The following NELL1 variants were observed in gnomAD, a reference collection of about 807,000 sequenced individuals.
NELL1 encodes the protein neural EGFL like 1, also known as protein kinase C-binding protein NELL1.
In NELL1, 76 loss-of-function variants were observed where a neutral mutation model predicts 107.4. The ratio of observed to expected loss-of-function variants is 0.71; its 90% CI spans 0.59 to 0.86. The LOEUF (loss-of-function observed/expected upper bound fraction) is 0.86, where lower values mean the gene tolerates loss of function less well. Among genes scored for constraint, NELL1 ranks in the 40% least tolerant of loss-of-function variants. The probability of loss-of-function intolerance (pLI) is 0.00; values close to 1 mark genes in which losing one functional copy is unlikely to be tolerated. For missense variants in NELL1, 1,024 were observed against 1,005.5 expected, an observed-to-expected ratio of 1.02 and a Z score of -0.25; for synonymous variants, 353 against 341.2, an observed-to-expected ratio of 1.03 and a Z score of -0.38.
At chr11:20,802,266 A>G (rs1255430369) in intron 3 of NELL1, among the ~76,000 whole-genome samples, 2 of 152,008 alleles carry the variant, frequency 1.3e-5, no homozygotes, top group Non-Finnish European at 2.9e-5. Context: ...ACATTCTTTT[A>G]TCAATGTTTT....
At chr11:20,979,589 G>A (rs928055451) in intron 12 of NELL1, among the ~76,000 whole-genome samples, 2 of 152,198 alleles carry the variant, frequency 1.3e-5, no homozygotes, top group African/African-American at 2.4e-5. Context: ...AGAGAATGGC[G>A]TATTCTGCCT....
chr11:21,426,001 C>G (rs566757257), intron 15 of NELL1, among the ~76,000 whole-genome samples: 1 of 152,216 alleles, frequency 6.6e-6, no homozygotes, highest in East Asian at 1.9e-4. Context: ...CTTTTAGGGA[C>G]TGGAAGTCAG....
At chr11:20,901,376 A>T (rs1258417296) in intron 5 of NELL1, among the ~76,000 whole-genome samples, 1 of 152,118 alleles carries the variant, frequency 6.6e-6, no homozygotes, top group African/African-American at 2.4e-5. Flanking sequence ...AATAGGAACA[A>T]ATCAAATAAA....
intron 15 of NELL1, among the ~76,000 whole-genome samples, chr11:21,496,405 C>CTTTTTTTTTTTT (rs1206711700): frequency 7.1e-6 from 1 of 141,260 alleles, no homozygotes; most frequent in Admixed American, 7.2e-5. Flanking sequence ...TTATTCTTCT[C>CTTTTTTTTTTTT]TTGTTTTTTT....
intron 2 of NELL1, among the ~76,000 whole-genome samples, chr11:20,707,371 G>T (rs1434472871): frequency 6.6e-6 from 1 of 152,094 alleles, no homozygotes; most frequent in Non-Finnish European, 1.5e-5. Context: ...CCCTCAACTC[G>T]TCAAAATCAT....
At chr11:21,063,013 T>C (rs749227739) in intron 12 of NELL1, among the ~76,000 whole-genome samples, 136 of 151,888 alleles carry the variant, frequency 9.0e-4, no homozygotes, top group Non-Finnish European at 1.5e-3. Flanking sequence ...TGTGTGTATG[T>C]GTATATGTAT....
At chr11:21,341,284 C>T (rs535979960) in intron 14 of NELL1, among the ~76,000 whole-genome samples, 1 of 152,268 alleles carries the variant, frequency 6.6e-6, no homozygotes, top group South Asian at 2.1e-4. Flanking sequence ...GAGAGTTACA[C>T]CATAAGCCTC....
chr11:21,359,229 G>A (rs1457162818), intron 14 of NELL1, among the ~76,000 whole-genome samples: 1 of 152,108 alleles, frequency 6.6e-6, no homozygotes, highest in Non-Finnish European at 1.5e-5. Flanking sequence ...TGCATCTATT[G>A]AGATGATCCT....
At chr11:21,432,609 T>A (rs1852994353) in intron 15 of NELL1, among the ~76,000 whole-genome samples, 1 of 152,192 alleles carries the variant, frequency 6.6e-6, no homozygotes, top group Non-Finnish European at 1.5e-5. Context: ...GGGTATGGAT[T>A]GTCACGGGAT....
intron 5 of NELL1, among the ~76,000 whole-genome samples, chr11:20,910,380 G>C (rs192055603): frequency 6.6e-5 from 10 of 152,272 alleles, no homozygotes; most frequent in African/African-American, 2.4e-4. Flanking sequence ...TGAAGTGAGG[G>C]TGTACAAAGT....
At chr11:20,757,160 T>G (rs1192625159) in intron 2 of NELL1, among the ~76,000 whole-genome samples, 3 of 151,858 alleles carry the variant, frequency 2.0e-5, no homozygotes, top group Non-Finnish European at 2.9e-5. Context: ...CCTTTACACT[T>G]AGTTTTTTTT....
At chr11:20,908,344 G>T (rs999653388) in intron 5 of NELL1, among the ~76,000 whole-genome samples, 13 of 152,072 alleles carry the variant, frequency 8.5e-5, no homozygotes, top group African/African-American at 3.1e-4. Context: ...AGAAAATGTG[G>T]TACATATACA....
At chr11:21,066,400 C>A (rs1853870865) in intron 12 of NELL1, among the ~76,000 whole-genome samples, 1 of 152,000 alleles carries the variant, frequency 6.6e-6, no homozygotes. Flanking sequence ...GATTTTTTGG[C>A]CTTTATTTTT....
In NELL1 at chr11:20,753,382, T is replaced by C. The variant is rs1252905468; in HGVS notation, c.185-30298T>C. On this transcript the variant is annotated intron_variant, in intron 2 of 19. Coordinates refer to ENST00000357134, the MANE Select transcript of NELL1 (RefSeq NM_006157.5). ...ATTAAACAGATGGTAACATTAGAAA[T>C]GATTCACTCTGCTGGAGCTAGTTCA... Among the ~76,000 whole-genome samples, 6 of 152,206 alleles carry C rather than the reference T, an allele frequency of 3.9e-5. No homozygotes were observed. The East Asian group carries it at 9.6e-4, about 24-fold the overall frequency.
chr11:21,318,924 T>C lies in NELL1; in HGVS notation c.1550-51929T>C, dbSNP rs1430796566. On this transcript the variant is annotated intron_variant, in intron 14 of 19. Transcript: ENST00000357134. ...AACCATAGTAAATGGCTAGGCTTTT[T>C]GTCCCTCAGTGTATTCATCTGTGAA... Among the ~76,000 whole-genome samples, 2 of 152,050 alleles carry C rather than the reference T, an allele frequency of 1.3e-5. 1 individual carries two copies. The highest frequency in any genetic ancestry group is 4.8e-5 in the African/African-American group (2 of 41,326).
rs142071133 is a variant in NELL1 at position 21,220,269 on chromosome 11, A to G, written c.1427-9063A>G. ...GCTGTTTTGGTTACCATAGCTTTGT[A>G]GTATATTTTGAAGTCAGGTAGTGTG... is the stretch of plus-strand genomic sequence containing the variant. On this transcript the variant is annotated intron_variant, in intron 13 of 19. Transcript: ENST00000357134. Among the ~76,000 whole-genome samples the G allele has an allele frequency of 9.4e-3, 1,429 of 152,182 alleles. 23 individuals carry two copies. Among genetic ancestry groups the G allele is most frequent in the African/African-American group, 0.033 (1,362 of 41,520 alleles).
At chr11:21,443,808 C>T (rs1340871184) in intron 15 of NELL1, among the ~76,000 whole-genome samples, 5 of 151,682 alleles carry the variant, frequency 3.3e-5, no homozygotes, top group Non-Finnish European at 4.4e-5. Context: ...CGAGATTACA[C>T]CCTGCACTCT....
At chr11:21,099,046 C>T (rs1467730570) in intron 12 of NELL1, among the ~76,000 whole-genome samples, 1 of 152,162 alleles carries the variant, frequency 6.6e-6, no homozygotes, top group African/African-American at 2.4e-5. Context: ...ACCAATTCAT[C>T]TTTGTTATCA....
At chr11:21,319,494 T>TTATATGTA (rs1555002144) in intron 14 of NELL1, among the ~76,000 whole-genome samples, 1 of 135,632 alleles carries the variant, frequency 7.4e-6, no homozygotes, top group African/African-American at 2.7e-5. Flanking sequence ...CCAGCTAAAT[T>TTATATGTA]TATATATATA....
Sources: allele counts gnomAD v4.1 joint callset (sites outside exome capture counted in the v4.1 genomes callset), GRCh38; gene constraint gnomAD v4.1.1; transcripts MANE v1.5; gene names NCBI Gene and HGNC (gene_info 2026-07-23, HGNC 2026-07-21).